NALF1: variants seen among roughly 807,000 people sequenced by gnomAD.
The protein encoded by NALF1 is NALCN channel auxiliary factor 1.
A neutral mutation model predicts 48.4 loss-of-function variants in NALF1; 3 were observed. The ratio of observed to expected loss-of-function variants is 0.06; its 90% CI spans 0.03 to 0.16. The LOEUF is 0.16. Ranked by LOEUF, NALF1 falls within the 10% of genes least tolerant of loss-of-function variation. NALF1 has a pLI of 1.00. For missense variants in NALF1, 526 were observed against 571.5 expected (o/e 0.92, Z 0.81); for synonymous variants, 262 against 245.7 (o/e 1.07, Z -0.62).
At chr13:107,232,709 A>G (rs1880253241) in intron 1 of NALF1, among the ~76,000 whole-genome samples, 1 of 152,216 alleles carries the variant, frequency 6.6e-6, no homozygotes, top group Non-Finnish European at 1.5e-5. Context: ...CGGAAGACTC[A>G]GAAACAGGGA....
At chr13:107,204,512 C>A (rs188488703) in intron 2 of NALF1, among the ~76,000 whole-genome samples, 159 of 152,308 alleles carry the variant, frequency 1.0e-3, no homozygotes, top group Non-Finnish European at 1.8e-3. Context: ...TACATACATT[C>A]TCTTGCCAAA....
intron 1 of NALF1, among the ~76,000 whole-genome samples, chr13:107,672,763 T>C (rs1881020010): frequency 6.6e-6 from 1 of 152,168 alleles, no homozygotes; most frequent in Admixed American, 6.5e-5. Context: ...TAAACTCCAG[T>C]GACCTAAGGT....
chr13:107,571,986 C>A (rs1189402399), intron 1 of NALF1, among the ~76,000 whole-genome samples: 2 of 151,838 alleles, frequency 1.3e-5, no homozygotes, highest in Non-Finnish European at 1.5e-5. Context: ...TAGCAAATTA[C>A]AAAGTATTCT....
chr13:107,220,342 T>G (rs1420147102), intron 1 of NALF1, among the ~76,000 whole-genome samples: 1 of 152,076 alleles, frequency 6.6e-6, no homozygotes, highest in African/African-American at 2.4e-5. Flanking sequence ...GGGAATGGAG[T>G]AGAATTGTGT....
At chr13:107,800,734 A>G (rs866705977) in intron 1 of NALF1, among the ~76,000 whole-genome samples, 222 of 147,766 alleles carry the variant, frequency 1.5e-3, no homozygotes, top group African/African-American at 4.9e-3. Context: ...TTATAATTAT[A>G]TAATATATGA....
intron 2 of NALF1, among the ~76,000 whole-genome samples, chr13:107,187,878 T>C (rs912789724): frequency 1.3e-5 from 2 of 152,190 alleles, no homozygotes; most frequent in African/African-American, 2.4e-5. Flanking sequence ...AAAGTATCAA[T>C]TCAGTTCTAT....
chr13:107,745,527 A>G (rs1050877290), intron 1 of NALF1, among the ~76,000 whole-genome samples: 1 of 152,214 alleles, frequency 6.6e-6, no homozygotes, highest in African/African-American at 2.4e-5. Flanking sequence ...TGGGGTTTAC[A>G]CAGATAAATA....
At chr13:107,547,468 T>C (rs1022818192) in intron 1 of NALF1, among the ~76,000 whole-genome samples, 1 of 152,204 alleles carries the variant, frequency 6.6e-6, no homozygotes, top group Non-Finnish European at 1.5e-5. Context: ...TGGTTAATAA[T>C]TATTGAATGT....
chr13:107,532,405 T>A (rs1462711610), intron 1 of NALF1, among the ~76,000 whole-genome samples: 1 of 152,082 alleles, frequency 6.6e-6, no homozygotes, highest in African/African-American at 2.4e-5. Context: ...TGAAGAAAAA[T>A]CATTCATTGC....
chr13:107,206,616 C>T (rs999267990), intron 2 of NALF1, among the ~76,000 whole-genome samples: 2 of 152,078 alleles, frequency 1.3e-5, no homozygotes, highest in African/African-American at 2.4e-5. Context: ...GTGATATTCC[C>T]TTTTTTGTGA....
At chr13:107,616,648 C>T (rs1184676980) in intron 1 of NALF1, among the ~76,000 whole-genome samples, 1 of 152,184 alleles carries the variant, frequency 6.6e-6, no homozygotes, top group African/African-American at 2.4e-5. Context: ...TCAGTAGCTG[C>T]TATTTCATCC....
chr13:107,409,946 C>T (rs1883961261), intron 1 of NALF1, among the ~76,000 whole-genome samples: 1 of 152,168 alleles, frequency 6.6e-6, no homozygotes, highest in Non-Finnish European at 1.5e-5. Flanking sequence ...GCCAGCAAAG[C>T]ATTTTTTCCT....
intron 1 of NALF1, among the ~76,000 whole-genome samples, chr13:107,261,221 C>T (rs1311462414): frequency 6.6e-6 from 1 of 152,164 alleles, no homozygotes; most frequent in East Asian, 1.9e-4. Flanking sequence ...CAGGTGACAT[C>T]AGGGTGGAAT....
intron 1 of NALF1, among the ~76,000 whole-genome samples, chr13:107,754,962 G>A (rs763067171): frequency 3.9e-5 from 6 of 152,144 alleles, no homozygotes; most frequent in Non-Finnish European, 5.9e-5. Context: ...AATTTCAGTT[G>A]TTATAGTTAA....
At position 107,373,652 on chromosome 13, in the gene NALF1, C is replaced by T. The variant is rs534891813; in HGVS notation, c.916-162897G>A. On this transcript the variant is annotated intron_variant, in intron 1 of 2. Transcript: ENST00000375915. Reference sequence around the variant, plus strand: ...GATTGCAAAAGATACTCAGCACTCACGCCTTTCTAAGCATCAACCTGGTCT... The same window carrying T: ...GATTGCAAAAGATACTCAGCACTCATGCCTTTCTAAGCATCAACCTGGTCT... Among the ~76,000 whole-genome samples the T allele has an allele frequency of 2.6e-5, 4 of 152,318 alleles. No homozygotes were observed. In the East Asian group the frequency reaches 5.8e-4, roughly 22 times the overall value.
At chr13:107,523,196 G>T (rs76595396) in intron 1 of NALF1, among the ~76,000 whole-genome samples, 258 of 152,212 alleles carry the variant, frequency 1.7e-3, no homozygotes, top group African/African-American at 5.7e-3. Flanking sequence ...CAGAGCCATT[G>T]TTCTCCACAT....
chr13:107,745,079 A>C (rs994382236), intron 1 of NALF1, among the ~76,000 whole-genome samples: 1 of 152,236 alleles, frequency 6.6e-6, no homozygotes, highest in African/African-American at 2.4e-5. Context: ...GATCGAATAG[A>C]TATTCCAGTC....
At chr13:107,521,634 G>C (rs1876241914) in intron 1 of NALF1, among the ~76,000 whole-genome samples, 1 of 152,042 alleles carries the variant, frequency 6.6e-6, no homozygotes, top group South Asian at 2.1e-4. Context: ...CTTTGCTTTT[G>C]TCTTTTAATG....
intron 1 of NALF1, among the ~76,000 whole-genome samples, chr13:107,333,797 T>C (rs1462627230): frequency 1.3e-5 from 2 of 152,208 alleles, no homozygotes; most frequent in African/African-American, 4.8e-5. Context: ...TCCTTTTACC[T>C]GAGGGGATAG....
Sources: allele counts gnomAD v4.1 joint callset (sites outside exome capture counted in the v4.1 genomes callset), GRCh38; gene constraint gnomAD v4.1.1; transcripts MANE v1.5; gene names NCBI Gene and HGNC (gene_info 2026-07-23, HGNC 2026-07-21).